PARD3: variants seen among roughly 807,000 people sequenced by gnomAD.
The protein encoded by PARD3 is partitioning defective 3 homolog.
In PARD3, 75 loss-of-function variants were observed where a neutral mutation model predicts 155.4. That is an observed-to-expected ratio of 0.48 (90% CI 0.40 to 0.58). The LOEUF (loss-of-function observed/expected upper bound fraction) is 0.58. Ranked by LOEUF, PARD3 falls within the 20% of genes least tolerant of loss-of-function variation. The pLI is 0.00. For synonymous variants in PARD3, 576 were observed against 610.5 expected (o/e 0.94, Z 0.83); for missense variants, 1,642 against 1,721.7 (o/e 0.95, Z 0.82).
At chr10:34,498,218 A>C (rs1387601425) in intron 3 of PARD3, among the ~76,000 whole-genome samples, 2 of 152,144 alleles carry the variant, frequency 1.3e-5, no homozygotes, top group Non-Finnish European at 2.9e-5. Context: ...TCAGATGTAG[A>C]AAGAGACACT....
intron 12 of PARD3, among the ~76,000 whole-genome samples, chr10:34,364,014 G>C (rs149209400): frequency 7.5e-4 from 114 of 152,314 alleles, no homozygotes; most frequent in African/African-American, 2.6e-3. Flanking sequence ...GTGAGACAAA[G>C]AGTCACAAGT....
At chr10:34,229,942 T>C (rs1301523644) in intron 22 of PARD3, among the ~76,000 whole-genome samples, 1 of 152,130 alleles carries the variant, frequency 6.6e-6, no homozygotes, top group Non-Finnish European at 1.5e-5. Flanking sequence ...ATCTAGCTTT[T>C]GTCATGTGGC....
At position 34,359,302 on chromosome 10, in the gene PARD3, C is replaced by A; in HGVS notation, c.1912G>T (p.Val638Leu). 1 of 1,613,514 alleles carries A rather than the reference C, an allele frequency of 6.2e-7. No homozygotes were observed. The highest frequency in any genetic ancestry group is 8.5e-7 in the Non-Finnish European group (1 of 1,179,752). ...GAASKDGRLRVNDQLIAVNGE... is the reference protein window; with the variant it reads ...GAASKDGRLRLNDQLIAVNGE... ...TTTACTGCTATCAGTTGATCATTCA[C>A]CCGAAGCCTTCCATCCTGGGAAGAA... is the stretch of plus-strand genomic sequence containing the variant. The change falls in exon 14 of 25, where the codon GTG (valine) becomes TTG (leucine). Residue 638 changes from valine (V) to leucine (L), a missense_variant. Physicochemically the swap from Val to Leu is conservative, Grantham distance 32 (BLOSUM62 1). Coordinates refer to ENST00000374788, the MANE Select transcript of PARD3 (RefSeq NM_001184785.2).
At chr10:34,256,290 A>G (rs564645516) in intron 22 of PARD3, among the ~76,000 whole-genome samples, 4 of 152,196 alleles carry the variant, frequency 2.6e-5, no homozygotes, top group African/African-American at 7.2e-5. Flanking sequence ...GGTGTTCACC[A>G]TTTCATCTGG....
chr10:34,295,517 G>A (rs141975823), intron 20 of PARD3, among the ~76,000 whole-genome samples: 2 of 152,098 alleles, frequency 1.3e-5, no homozygotes, highest in African/African-American at 4.8e-5. Flanking sequence ...GTAAAGTTCT[G>A]GGGGAAGCAG....
chr10:34,723,694 G>C (rs879474918), intron 1 of PARD3, among the ~76,000 whole-genome samples: 1 of 152,148 alleles, frequency 6.6e-6, no homozygotes, highest in African/African-American at 2.4e-5. Context: ...CCCGCCTAGG[G>C]AAAAAGCTCA....
chr10:34,261,121 C>G (rs1453132031), intron 22 of PARD3, among the ~76,000 whole-genome samples: 1 of 152,092 alleles, frequency 6.6e-6, no homozygotes, highest in Non-Finnish European at 1.5e-5. Context: ...GTATTTTATT[C>G]CCATTATATT....
chr10:34,699,316 C>T (rs1455679522), intron 1 of PARD3, among the ~76,000 whole-genome samples: 2 of 125,942 alleles, frequency 1.6e-5, no homozygotes, highest in Non-Finnish European at 3.6e-5. Context: ...ACAGAGCATG[C>T]TGCATTAAAA....
At chr10:34,685,428 A>G (rs2093938568) in intron 2 of PARD3, among the ~76,000 whole-genome samples, 2 of 152,218 alleles carry the variant, frequency 1.3e-5, no homozygotes, top group Non-Finnish European at 2.9e-5. Context: ...CTACCTGATC[A>G]GCAAAAAACA....
chr10:34,799,364 G>A (rs1434191566), intron 1 of PARD3, among the ~76,000 whole-genome samples: 1 of 152,066 alleles, frequency 6.6e-6, no homozygotes, highest in Non-Finnish European at 1.5e-5. Context: ...CCTATACGGA[G>A]GTGTCTAGAA....
At chr10:34,674,670 A>G (rs567151130) in intron 2 of PARD3, among the ~76,000 whole-genome samples, 42 of 151,928 alleles carry the variant, frequency 2.8e-4, no homozygotes, top group Non-Finnish European at 5.3e-4. Context: ...TATTTTTAGT[A>G]GAGACAGGGT....
chr10:34,694,494 T>C (rs1271583307), intron 2 of PARD3, among the ~76,000 whole-genome samples: 2 of 97,700 alleles, frequency 2.0e-5, no homozygotes, highest in African/African-American at 3.7e-5. Context: ...TTTTTTTTTT[T>C]AAGACTAGCT....
chr10:34,161,714 G>A (rs1243339023), intron 22 of PARD3, among the ~76,000 whole-genome samples: 1 of 152,160 alleles, frequency 6.6e-6, no homozygotes, highest in Non-Finnish European at 1.5e-5. Context: ...GAAATTCGCT[G>A]TTCATTTCAA....
chr10:34,302,847 G>GC (rs1564564021), intron 20 of PARD3, among the ~76,000 whole-genome samples: 1 of 152,048 alleles, frequency 6.6e-6, no homozygotes, highest in African/African-American at 2.4e-5. Context: ...CCCATTTGTG[G>GC]CAAGTTCCCA....
chr10:34,411,447 T>C (rs1483583315), intron 5 of PARD3, among the ~76,000 whole-genome samples: 1 of 151,904 alleles, frequency 6.6e-6, no homozygotes, highest in Non-Finnish European at 1.5e-5. Context: ...TGGGTGAGCA[T>C]CATCCAATCA....
chr10:34,324,201 C>T (rs1239245754), intron 19 of PARD3, among the ~76,000 whole-genome samples: 2 of 152,206 alleles, frequency 1.3e-5, no homozygotes, highest in Admixed American at 1.3e-4. Flanking sequence ...GCTAGCAATG[C>T]TTTACTTTGC....
At chr10:34,679,999 T>C (rs1387212160) in intron 2 of PARD3, among the ~76,000 whole-genome samples, 1 of 152,022 alleles carries the variant, frequency 6.6e-6, no homozygotes, top group Non-Finnish European at 1.5e-5. Context: ...ACTATTTAGG[T>C]GATGGATGCA....
chr10:34,788,037 G>C (rs1841196934), intron 1 of PARD3, among the ~76,000 whole-genome samples: 1 of 151,430 alleles, frequency 6.6e-6, no homozygotes, highest in Non-Finnish European at 1.5e-5. Flanking sequence ...TCCTGCTTTG[G>C]CCTCCGAAAG....
At chr10:34,651,753 TTG>T (rs2093020833) in intron 2 of PARD3, among the ~76,000 whole-genome samples, 1 of 152,240 alleles carries the variant, frequency 6.6e-6, no homozygotes, top group Admixed American at 6.5e-5. Context: ...TTTTCTGTTT[TTG>T]GTAGAACAAA....
Sources: gnomAD v4.1 joint callset for allele counts (sites outside exome capture counted in the v4.1 genomes callset) on GRCh38, gnomAD v4.1.1 for gene constraint, MANE v1.5 for transcripts, NCBI Gene and HGNC (gene_info 2026-07-23, HGNC 2026-07-21) for gene names.